SOX5: variants seen among roughly 807,000 people sequenced by gnomAD.
The protein encoded by SOX5 is SRY-box transcription factor 5.
SOX5 carries 9 observed loss-of-function variants against 92.0 expected under a neutral mutation model. That is an observed-to-expected ratio of 0.10 (90% CI 0.06 to 0.17). SOX5 has a LOEUF of 0.17. Ranked by LOEUF, SOX5 falls within the 10% of genes least tolerant of loss-of-function variation. The pLI is 1.00. For missense variants in SOX5, 642 were observed against 944.5 expected (o/e 0.68, Z 4.20); for synonymous variants, 344 against 336.3 (o/e 1.02, Z -0.25).
chr12:23,821,602 C>G (rs1443668892), intron 3 of SOX5, among the ~76,000 whole-genome samples: 1 of 151,732 alleles, frequency 6.6e-6, no homozygotes, highest in Non-Finnish European at 1.5e-5. Flanking sequence ...CATGAGAAGG[C>G]CTTTTCTGCA....
chr12:24,450,489 T>G (rs139861402), intron 1 of SOX5, among the ~76,000 whole-genome samples: 4,927 of 149,874 alleles, frequency 0.033, 154 homozygotes, highest in East Asian at 0.09. Context: ...TTTATTTATT[T>G]ATTTATTTAT....
chr12:24,322,020 T>C (rs567245384), intron 2 of SOX5, among the ~76,000 whole-genome samples: 84 of 152,294 alleles, frequency 5.5e-4, no homozygotes, highest in Non-Finnish European at 1.0e-3. Flanking sequence ...ACCTGTCTTA[T>C]GGCATTTTGG....
At chr12:23,761,172 A>G (rs865916460) in intron 3 of SOX5, among the ~76,000 whole-genome samples, 11 of 152,304 alleles carry the variant, frequency 7.2e-5, no homozygotes, top group African/African-American at 2.4e-4. Context: ...TAGACTATTC[A>G]TGCCATAAAA....
At chr12:23,664,632 T>G (rs1187172305) in intron 7 of SOX5, among the ~76,000 whole-genome samples, 1 of 152,090 alleles carries the variant, frequency 6.6e-6, no homozygotes, top group Non-Finnish European at 1.5e-5. Context: ...CAATTTATAT[T>G]TGGGTAAGAA....
At chr12:23,821,389 C>T (rs924660118) in intron 3 of SOX5, among the ~76,000 whole-genome samples, 1 of 152,188 alleles carries the variant, frequency 6.6e-6, no homozygotes. Context: ...ATTTGACTTC[C>T]TCTCTTCCTA....
chr12:23,812,004 A>G (rs2095882663), intron 3 of SOX5, among the ~76,000 whole-genome samples: 1 of 152,102 alleles, frequency 6.6e-6, no homozygotes, highest in East Asian at 1.9e-4. Flanking sequence ...TTACTATAGT[A>G]AGTAGTCACT....
intron 1 of SOX5, among the ~76,000 whole-genome samples, chr12:24,386,388 C>A (rs189453637): frequency 2.0e-5 from 3 of 152,208 alleles, no homozygotes; most frequent in Non-Finnish European, 4.4e-5. Context: ...TACCTCAAAC[C>A]AGGCCCTGTG....
chr12:23,723,420 G>C (rs1445465174), intron 6 of SOX5, among the ~76,000 whole-genome samples: 1 of 151,992 alleles, frequency 6.6e-6, no homozygotes, highest in Non-Finnish European at 1.5e-5. Context: ...AATAAAAAGA[G>C]TAAAAGAAAT....
chr12:23,561,691 A>T (rs1946227752), intron 11 of SOX5, among the ~76,000 whole-genome samples: 1 of 152,038 alleles, frequency 6.6e-6, no homozygotes, highest in Non-Finnish European at 1.5e-5. Context: ...TTGCAAGTAT[A>T]TAGAACTCAG....
chr12:24,376,273 G>A (rs1313740473), intron 1 of SOX5, among the ~76,000 whole-genome samples: 4 of 152,136 alleles, frequency 2.6e-5, no homozygotes, highest in South Asian at 2.1e-4. Flanking sequence ...ATTGGAACCC[G>A]CAGCTGGAAC....
At chr12:24,270,066 CT>C (rs35276785) in intron 3 of SOX5, among the ~76,000 whole-genome samples, 3 of 151,092 alleles carry the variant, frequency 2.0e-5, no homozygotes, top group Admixed American at 2.0e-4. Flanking sequence ...GTGGGAAACT[CT>C]TTTTCTTTTT....
At position 23,998,959 on chromosome 12, in the gene SOX5, C is replaced by T. The variant is rs116156406; in HGVS notation, c.-1-102935G>A. Among the ~76,000 whole-genome samples the T allele has an allele frequency of 8.5e-3, 1,296 of 151,710 alleles. 16 individuals are homozygous for T. Among genetic ancestry groups the T allele is most frequent in the African/African-American group, 0.03 (1,238 of 41,384 alleles). On this transcript the variant is annotated intron_variant, in intron 4 of 4. Transcript: ENST00000446891. ...AACAAAAGAAATCCACATCCAGAAA[C>T]ATAATCATCAAGTTATTAAAAGCTA...
intron 1 of SOX5, among the ~76,000 whole-genome samples, chr12:24,453,727 G>T (rs1006032554): frequency 1.3e-5 from 2 of 152,144 alleles, no homozygotes; most frequent in African/African-American, 4.8e-5. Flanking sequence ...CTGGTAAATG[G>T]ATATGATAGC....
chr12:23,811,968 A>C (rs908238773), intron 3 of SOX5, among the ~76,000 whole-genome samples: 33 of 152,218 alleles, frequency 2.2e-4, no homozygotes, highest in African/African-American at 7.7e-4. Flanking sequence ...AAAGTACCTT[A>C]GTTTTGCTCA....
chr12:24,179,881 T>A (rs557721436), intron 4 of SOX5, among the ~76,000 whole-genome samples: 1 of 152,062 alleles, frequency 6.6e-6, no homozygotes, highest in East Asian at 1.9e-4. Flanking sequence ...TATTGTGAGT[T>A]AATGAATTAA....
chr12:23,853,928 CCTTTT>C (rs1478960805), intron 2 of SOX5, among the ~76,000 whole-genome samples: 1 of 152,058 alleles, frequency 6.6e-6, no homozygotes, highest in African/African-American at 2.4e-5. Flanking sequence ...AAAACATTTT[CCTTTT>C]AACATTTGTA....
chr12:24,266,119 G>A (rs2140291415), intron 3 of SOX5, among the ~76,000 whole-genome samples: 1 of 150,400 alleles, frequency 6.6e-6, no homozygotes, highest in East Asian at 2.0e-4. Flanking sequence ...TCACCATGTT[G>A]CCCAGGCTGG....
intron 1 of SOX5, among the ~76,000 whole-genome samples, chr12:24,374,803 C>G (rs1157596608): frequency 1.3e-5 from 2 of 152,160 alleles, no homozygotes. Flanking sequence ...GCCCTAGCCA[C>G]AGTGATACAG....
intron 1 of SOX5, among the ~76,000 whole-genome samples, chr12:24,541,169 T>G (rs983488608): frequency 1.4e-4 from 22 of 152,312 alleles, no homozygotes; most frequent in Middle Eastern, 3.4e-3. Context: ...AGCTTATACT[T>G]TTTCACACAT....
Sources: allele counts gnomAD v4.1 joint callset (sites outside exome capture counted in the v4.1 genomes callset), GRCh38; gene constraint gnomAD v4.1.1; transcripts MANE v1.5; gene names NCBI Gene and HGNC (gene_info 2026-07-23, HGNC 2026-07-21).